The following WRN variants were observed in gnomAD, a reference collection of about 807,000 sequenced individuals.
The protein encoded by WRN is bifunctional 3'-5' exonuclease/ATP-dependent helicase WRN.
In WRN, 149 loss-of-function variants were observed where a neutral mutation model predicts 180.7. The ratio of observed to expected loss-of-function variants is 0.82; its 90% confidence interval spans 0.72 to 0.94. WRN has a LOEUF of 0.94. Ranked by LOEUF, WRN falls within the 40% of genes least tolerant of loss-of-function variation. The probability of loss-of-function intolerance (pLI) is 0.00; values close to 1 mark genes in which losing one functional copy is unlikely to be tolerated. For missense variants in WRN, 1,661 were observed against 1,700.1 expected (o/e 0.98, Z 0.40); for synonymous variants, 548 against 568.9 (o/e 0.96, Z 0.52).
intron 1 of WRN, among the ~76,000 whole-genome samples, chr8:31,055,409 T>C (rs1812231387): frequency 6.6e-6 from 1 of 152,196 alleles, no homozygotes; most frequent in African/African-American, 2.4e-5. Context: ...CCAGCACCTG[T>C]TGTTTCTTGA....
chr8:31,087,573 T>TC (rs985949707), intron 11 of WRN: 20 of 522,782 alleles, frequency 3.8e-5, no homozygotes, highest in Non-Finnish European at 6.9e-5. Context: ...CTGGAAATGT[T>TC]CCATCTTTGG....
chr8:31,059,582 T>C (rs1812408302), intron 3 of WRN, among the ~76,000 whole-genome samples: 1 of 152,216 alleles, frequency 6.6e-6, no homozygotes, highest in Admixed American at 6.5e-5. Context: ...ATAGAGCTAC[T>C]GAACATACTG....
chr8:31,126,378 C>T (rs1247584807), intron 23 of WRN, among the ~76,000 whole-genome samples: 2 of 152,098 alleles, frequency 1.3e-5, no homozygotes, highest in African/African-American at 4.8e-5. Flanking sequence ...AATTAAATAA[C>T]ACACTTATAA....
chr8:31,091,687 A>G (rs1813751519), intron 15 of WRN, 143 bp from the exon 16 acceptor site: 1 of 796,348 alleles, frequency 1.3e-6, no homozygotes. Context: ...GAATTTGCTT[A>G]TCAAGTTAGT....
At position 31,142,140 on chromosome 8, in the gene WRN, T is replaced by A. The variant is rs1802665061; in HGVS notation, c.3233+365T>A. On this transcript the variant is annotated intron_variant, in intron 26 of 34. Transcript: ENST00000298139. ...TTTAATTTTTTGTATAGAGACAGGG[T>A]CTTCTAGTGCTTCCTAGGCTGGTCT... Among the ~76,000 whole-genome samples, 3 of 151,986 alleles carry A rather than the reference T, an allele frequency of 2.0e-5. No homozygotes were observed. The South Asian group carries it at 6.2e-4, about 32-fold the overall frequency.
intron 24 of WRN, among the ~76,000 whole-genome samples, chr8:31,136,713 C>T (rs796657383): frequency 3.9e-5 from 6 of 152,090 alleles, no homozygotes; most frequent in African/African-American, 1.4e-4. Context: ...GATGTGTGTG[C>T]GTGTAGTCCT....
At chr8:31,116,267 A>T in intron 19 of WRN, 87 bp from the exon 20 acceptor site, 2 of 1,354,688 alleles carry the variant, frequency 1.5e-6, no homozygotes, top group Non-Finnish European at 2.0e-6. Flanking sequence ...GAAGGTAGAA[A>T]GGAAGAATTA....
chr8:31,147,343 G>T (rs201926900), intron 29 of WRN, 21 bp from the exon 30 acceptor site: 1,323 of 1,609,100 alleles, frequency 8.2e-4, no homozygotes, highest in Non-Finnish European at 1.1e-3. Flanking sequence ...AAAAAGTGTT[G>T]TTTCTTTGTT....
rs1180280068 is a variant in WRN at position 31,140,041 on chromosome 8, G to A, written c.2968-1389G>A. Among the ~76,000 whole-genome samples, 14 of 101,160 alleles carry A rather than the reference G, an allele frequency of 1.4e-4. No individual in the cohort carries two copies. In the Admixed American group the frequency reaches 2.1e-3, roughly 15 times the overall value. 66.4% of individuals were successfully genotyped at this position (101,160 alleles called of 152,430 possible). ...TTTTTTTTTTTTTTTTTTGAGACAG[G>A]GTCTCACTCTGTTGCTCAGTCTGTA... On this transcript the variant is annotated intron_variant, in intron 24 of 34. Transcript: ENST00000298139.
chr8:31,045,275 C>T (rs1811816460), intron 1 of WRN, among the ~76,000 whole-genome samples: 1 of 152,100 alleles, frequency 6.6e-6, no homozygotes, highest in Non-Finnish European at 1.5e-5. Context: ...TGAAATGATT[C>T]CTACAGTCAA....
chr8:31,160,353 C>A (rs972275908), intron 33 of WRN, among the ~76,000 whole-genome samples: 1 of 152,170 alleles, frequency 6.6e-6, no homozygotes, highest in Non-Finnish European at 1.5e-5. Flanking sequence ...TTAGCCAAAT[C>A]CTGAAGTAAG....
At chr8:31,154,022 C>T (rs1294373522) in intron 31 of WRN, among the ~76,000 whole-genome samples, 1 of 151,940 alleles carries the variant, frequency 6.6e-6, no homozygotes, top group Non-Finnish European at 1.5e-5. Flanking sequence ...AGTTTTCTAT[C>T]TCTTTACCTT....
At position 31,125,537 on chromosome 8, in the gene WRN, G is replaced by GATATATATATATATATATATATATATAT. The variant is rs71206299; in HGVS notation, c.2825+542_2825+569dup. On this transcript the variant is annotated intron_variant, in intron 23 of 34. Coordinates refer to ENST00000298139, the MANE Select transcript of WRN (RefSeq NM_000553.6). ...GAAATAGGACGATTGATATTATGGA[G>GATATATATATATATATATATATATATAT]ATATATATATATATATATATATATA... Among the ~76,000 whole-genome samples the GATATATATATATATATATATATATATAT allele has an allele frequency of 2.5e-3, 160 of 63,710 alleles. 12 individuals are homozygous for GATATATATATATATATATATATATATAT. Among genetic ancestry groups the GATATATATATATATATATATATATATAT allele is most frequent in the Non-Finnish European group, 3.4e-3 (113 of 33,008 alleles). The allele number at this position is 63,710 out of a possible 152,430, so 41.8% of individuals were successfully genotyped here.
chr8:31,111,608 C>T lies in WRN; in HGVS notation c.2089-7C>T, dbSNP rs754769337. The T allele has an allele frequency of 1.2e-6, 2 of 1,613,816 alleles. No individual in the cohort carries two copies. The highest frequency in any genetic ancestry group is 1.7e-6 in the Non-Finnish European group (2 of 1,179,816). On this transcript the variant is annotated splice_polypyrimidine_tract_variant and splice_region_variant and intron_variant, in intron 18 of 34. Transcript: ENST00000298139. ...CCTTTTTAAAATATCAGTTTTACAT[C>T]ATTCAGGTTCCAATCGTTGCACTTA...
intron 20 of WRN, among the ~76,000 whole-genome samples, chr8:31,117,100 T>G (rs1255629725): frequency 2.0e-5 from 3 of 152,198 alleles, no homozygotes; most frequent in Non-Finnish European, 4.4e-5. Context: ...CAGTCTGGGC[T>G]TGGTATCATA....
Position 31,052,197 on chromosome 8 carries a change from A to G in WRN, c.-76-6175A>G, listed in dbSNP as rs577692725. The stretch of plus-strand genomic sequence containing the variant: ...TTATTCATTAAAAAATTATTTTCCC[A>G]TTTTATTGACATACTTTTGTCCCCT... On this transcript the variant is annotated intron_variant, in intron 1 of 34. Transcript: ENST00000298139. Among the ~76,000 whole-genome samples the G allele has an allele frequency of 3.7e-3, 558 of 152,288 alleles. 1 individual carries two copies. Among genetic ancestry groups the G allele is most frequent in the Non-Finnish European group, 5.8e-3 (392 of 68,016 alleles).
intron 23 of WRN, among the ~76,000 whole-genome samples, chr8:31,131,160 C>CTTTATTTTTTTTTT (rs144507657): frequency 9.4e-6 from 1 of 106,840 alleles, no homozygotes; most frequent in African/African-American, 3.5e-5. Context: ...TTGCAACTTT[C>CTTTATTTTTTTTTT]TTTTTTTTTG....
At chr8:31,070,303 A>T (rs1812860410) in intron 7 of WRN, among the ~76,000 whole-genome samples, 1 of 151,808 alleles carries the variant, frequency 6.6e-6, no homozygotes, top group Non-Finnish European at 1.5e-5. Context: ...CATATGGATG[A>T]TATTTTCGAA....
intron 18 of WRN, among the ~76,000 whole-genome samples, chr8:31,106,400 A>G (rs1801097981): frequency 6.6e-6 from 1 of 152,026 alleles, no homozygotes; most frequent in African/African-American, 2.4e-5. Flanking sequence ...TAAAGGCAAA[A>G]GTCCTTATGA....
Sources: allele counts gnomAD v4.1 joint callset (sites outside exome capture counted in the v4.1 genomes callset), GRCh38; gene constraint gnomAD v4.1.1; transcripts MANE v1.5; gene names NCBI Gene and HGNC (gene_info 2026-07-23, HGNC 2026-07-21).